The following MSRA variants were observed in gnomAD, a reference collection of about 807,000 sequenced individuals.
MSRA encodes mitochondrial peptide methionine sulfoxide reductase.
In MSRA, 54 loss-of-function variants were observed where a neutral mutation model predicts 31.3. The ratio of observed to expected loss-of-function variants is 1.73; its 90% CI spans 1.39 to 2.17. The LOEUF is 2.17. Among genes scored for constraint, MSRA ranks in the 30% most tolerant of loss-of-function variants. The pLI, the probability that MSRA is intolerant of heterozygous loss-of-function variation, is 0.00. For missense variants in MSRA, 507 were observed against 300.9 expected (o/e 1.69, Z -5.07); for synonymous variants, 169 against 116.5 (o/e 1.45, Z -2.90).
intron 5 of MSRA, among the ~76,000 whole-genome samples, chr8:10,348,027 T>C (rs1433457991): frequency 6.6e-6 from 1 of 152,232 alleles, no homozygotes; most frequent in Non-Finnish European, 1.5e-5. Context: ...TAAATATCTG[T>C]TGAGTAAATG....
intron 3 of MSRA, among the ~76,000 whole-genome samples, chr8:10,280,836 AACT>A (rs1799584205): frequency 1.3e-5 from 2 of 152,376 alleles, no homozygotes; most frequent in African/African-American, 2.4e-5. Flanking sequence ...CAACAGCGTG[AACT>A]ACTAATGCAC....
intron 3 of MSRA, among the ~76,000 whole-genome samples, chr8:10,245,772 G>A (rs1426979285): frequency 6.6e-6 from 1 of 152,228 alleles, no homozygotes; most frequent in African/African-American, 2.4e-5. Flanking sequence ...GAGAGGATGA[G>A]GCCCATTCTC....
At chr8:10,079,451 G>A (rs775546987) in intron 1 of MSRA, among the ~76,000 whole-genome samples, 7 of 152,080 alleles carry the variant, frequency 4.6e-5, no homozygotes, top group Non-Finnish European at 8.8e-5. Context: ...CACCACACCC[G>A]ACCATGTTTG....
At chr8:10,125,733 G>T (rs1484640) in intron 1 of MSRA, among the ~76,000 whole-genome samples, 79,549 of 152,066 alleles carry the variant, frequency 0.52, 21,805 homozygotes, top group East Asian at 0.95. Flanking sequence ...AGTTCAAAAT[G>T]GAATTGGTCC....
intron 2 of MSRA, among the ~76,000 whole-genome samples, chr8:10,222,875 G>C (rs1810652054): frequency 6.6e-6 from 1 of 152,198 alleles, no homozygotes; most frequent in Non-Finnish European, 1.5e-5. Flanking sequence ...AATTGGACCT[G>C]AAGAATAAGT....
intron 1 of MSRA, among the ~76,000 whole-genome samples, chr8:10,066,569 T>G (rs990472638): frequency 7.9e-5 from 12 of 152,186 alleles, no homozygotes; most frequent in Admixed American, 6.5e-4. Context: ...GTTTCACTGT[T>G]GTTACCCATG....
intron 5 of MSRA, among the ~76,000 whole-genome samples, chr8:10,392,439 G>A (rs972865358): frequency 6.6e-5 from 10 of 152,252 alleles, no homozygotes; most frequent in African/African-American, 2.2e-4. Context: ...ACTGAGTCCA[G>A]TGCAGCCCTC....
At chr8:10,306,958 C>T (rs977224435) in intron 4 of MSRA, among the ~76,000 whole-genome samples, 3 of 152,144 alleles carry the variant, frequency 2.0e-5, no homozygotes, top group Non-Finnish European at 4.4e-5. Flanking sequence ...ATCCTAATTG[C>T]ATTTAAATCT....
At chr8:10,296,485 G>A (rs1246101131) in intron 3 of MSRA, among the ~76,000 whole-genome samples, 2 of 152,112 alleles carry the variant, frequency 1.3e-5, no homozygotes, top group South Asian at 2.1e-4. Context: ...TAGGACACCC[G>A]GGATCACAGT....
intron 1 of MSRA, among the ~76,000 whole-genome samples, chr8:10,128,879 A>G (rs757023290): frequency 1.3e-5 from 2 of 152,178 alleles, no homozygotes; most frequent in African/African-American, 4.8e-5. Context: ...TTGTTATTAT[A>G]TATTAGGTTG....
rs1261287031 is a variant in MSRA at position 10,283,836 on chromosome 8, T to TATACAC, written c.332-17697_332-17696insTACACA. On this transcript the variant is annotated intron_variant, in intron 3 of 5. Transcript: ENST00000317173. ...ATATATATATATATATATATATATA[T>TATACAC]ACACACACACACACACACACACACA... Among the ~76,000 whole-genome samples the TATACAC allele has an allele frequency of 3.4e-3, 182 of 53,136 alleles. 1 individual carries two copies. Among genetic ancestry groups the TATACAC allele is most frequent in the Non-Finnish European group, 4.1e-3 (129 of 31,220 alleles). 34.9% of individuals were successfully genotyped at this position (53,136 alleles called of 152,430 possible).
chr8:10,306,715 T>G lies in MSRA; in HGVS notation c.436+5077T>G, dbSNP rs538625339. On this transcript the variant is annotated intron_variant, in intron 4 of 5. Transcript: ENST00000317173. ...CCTCCTAACTAGAATGACCTGTGCATGAATAACACAATTCAGACCTCCTAG... is the reference window on the plus strand; with the variant it reads ...CCTCCTAACTAGAATGACCTGTGCAGGAATAACACAATTCAGACCTCCTAG... Among the ~76,000 whole-genome samples, 5 of 152,174 alleles carry G rather than the reference T, an allele frequency of 3.3e-5. No homozygotes were observed. In the South Asian group the frequency reaches 1.0e-3, roughly 32 times the overall value.
intron 1 of MSRA, 78 bp downstream of exon 1, chr8:10,054,736 G>T (rs1482656642): frequency 8.8e-6 from 12 of 1,369,036 alleles, no homozygotes; most frequent in Non-Finnish European, 1.0e-5. Context: ...CGCGCCCGCT[G>T]CCCGGAAGGA....
rs77059379 is a variant in MSRA, at chr8:10,100,529, G to A, written c.142+45871G>A. Among the ~76,000 whole-genome samples, 38 of 152,234 alleles carry A rather than the reference G, an allele frequency of 2.5e-4. No individual in the cohort carries two copies. In the East Asian group the frequency reaches 7.0e-3, roughly 28 times the overall value. ...AGTATCTGACCATGGAGTCTAGGGG[G>A]CTAGGGGATGTGATCAGAAGTGTTC... On this transcript the variant is annotated intron_variant, in intron 1 of 5. Coordinates refer to ENST00000317173, the MANE Select transcript of MSRA (RefSeq NM_012331.5).
chr8:10,392,980 T>C (rs1390556539), intron 5 of MSRA, among the ~76,000 whole-genome samples: 1 of 140,214 alleles, frequency 7.1e-6, no homozygotes, highest in African/African-American at 2.7e-5. Context: ...GAGAATGGCA[T>C]GAACCCGGGA....
chr8:10,281,366 G>A (rs1437913429), intron 3 of MSRA, among the ~76,000 whole-genome samples: 1 of 152,158 alleles, frequency 6.6e-6, no homozygotes, highest in Non-Finnish European at 1.5e-5. Context: ...TTATCAAAAA[G>A]GATTGATTTA....
intron 2 of MSRA, among the ~76,000 whole-genome samples, chr8:10,217,654 C>T (rs537066093): frequency 6.6e-6 from 1 of 152,182 alleles, no homozygotes; most frequent in Non-Finnish European, 1.5e-5. Flanking sequence ...CTCCCTCCCC[C>T]TCTTCTATCC....
intron 1 of MSRA, among the ~76,000 whole-genome samples, chr8:10,105,150 A>G (rs1199020593): frequency 1.3e-5 from 2 of 152,134 alleles, no homozygotes; most frequent in Admixed American, 1.3e-4. Flanking sequence ...TTTGTATCAT[A>G]TTAACTAATC....
chr8:10,337,687 T>C (rs1326858984), intron 5 of MSRA: 1 of 702,488 alleles, frequency 1.4e-6, no homozygotes, highest in South Asian at 1.5e-5. Flanking sequence ...TCTTGAACCT[T>C]ATACTCCTCC....
Sources: gnomAD v4.1 joint callset for allele counts (sites outside exome capture counted in the v4.1 genomes callset) on GRCh38, gnomAD v4.1.1 for gene constraint, MANE v1.5 for transcripts, NCBI Gene and HGNC (gene_info 2026-07-23, HGNC 2026-07-21) for gene names.